Variants in RABGAP1L observed in about 807,000 individuals in gnomAD.
The protein encoded by RABGAP1L is rab GTPase-activating protein 1-like.
RABGAP1L carries 63 observed loss-of-function variants against 137.7 expected under a neutral mutation model. The observed-to-expected ratio is 0.46, with a 90% CI of 0.37 to 0.56. The LOEUF is 0.56. RABGAP1L is among the 20% of genes least tolerant of loss of function. RABGAP1L has a pLI of 0.00. For synonymous variants in RABGAP1L, 431 were observed against 433.7 expected, an observed-to-expected ratio of 0.99 and a Z score of 0.08; for missense variants, 1,095 against 1,244.0, an observed-to-expected ratio of 0.88 and a Z score of 1.80.
intron 13 of RABGAP1L, among the ~76,000 whole-genome samples, chr1:174,600,523 A>G (rs1670328820): frequency 6.6e-6 from 1 of 152,216 alleles, no homozygotes. Context: ...GGGTACAGGT[A>G]TTAGGTAAAT....
At chr1:174,355,737 G>A (rs996149609) in intron 11 of RABGAP1L, among the ~76,000 whole-genome samples, 2 of 152,088 alleles carry the variant, frequency 1.3e-5, no homozygotes, top group South Asian at 2.1e-4. Flanking sequence ...TTAATGATAC[G>A]TTTTTATTAA....
At chr1:174,201,979 A>G (rs1571521659) in intron 1 of RABGAP1L, among the ~76,000 whole-genome samples, 3 of 151,496 alleles carry the variant, frequency 2.0e-5, no homozygotes, top group South Asian at 4.2e-4. Flanking sequence ...AAGGACATGA[A>G]CTCATCATTT....
At chr1:174,203,962 A>T (rs1164033268) in intron 1 of RABGAP1L, among the ~76,000 whole-genome samples, 1 of 145,298 alleles carries the variant, frequency 6.9e-6, no homozygotes, top group Non-Finnish European at 1.5e-5. Flanking sequence ...TTTTTTAAAG[A>T]TAGTGTATCT....
chr1:174,931,580 G>A (rs565616686), intron 19 of RABGAP1L, among the ~76,000 whole-genome samples: 2 of 152,206 alleles, frequency 1.3e-5, no homozygotes, highest in Non-Finnish European at 1.5e-5. Flanking sequence ...TCTCAGCCAC[G>A]TAGTTCTATT....
chr1:174,491,784 G>T (rs970711847), intron 13 of RABGAP1L, among the ~76,000 whole-genome samples: 2 of 152,154 alleles, frequency 1.3e-5, no homozygotes, highest in Non-Finnish European at 2.9e-5. Flanking sequence ...TTCCCATCTG[G>T]CTAGAGCCAG....
In RABGAP1L at chr1:174,733,471, C is replaced by T. The variant is rs143846636; in HGVS notation, c.2170-18842C>T. ...TAACTTGACCAATTTGTATTTATTT[C>T]TCTACCTCTTTCAGGCAAAACTGCT... On this transcript the variant is annotated intron_variant, in intron 17 of 25. Transcript: ENST00000681986. 4.3e-3 allele frequency among the ~76,000 whole-genome samples: 659 copies of T among 152,328 alleles called. 9 individuals are homozygous for T. Among genetic ancestry groups the T allele is most frequent in the Admixed American group, 0.01 (159 of 15,304 alleles).
intron 19 of RABGAP1L, among the ~76,000 whole-genome samples, chr1:174,871,930 G>T (rs976024702): frequency 5.3e-5 from 8 of 152,148 alleles, no homozygotes; most frequent in African/African-American, 1.9e-4. Flanking sequence ...TTTTGGTTAG[G>T]TAAAATTTAA....
At chr1:174,426,456 T>C (rs1029011032) in intron 13 of RABGAP1L, among the ~76,000 whole-genome samples, 9 of 152,010 alleles carry the variant, frequency 5.9e-5, no homozygotes, top group African/African-American at 2.2e-4. Flanking sequence ...AACTTTTCTA[T>C]TACAAATACG....
At chr1:174,565,825 A>G (rs907137020) in intron 13 of RABGAP1L, among the ~76,000 whole-genome samples, 1 of 151,896 alleles carries the variant, frequency 6.6e-6, no homozygotes. Context: ...TTTCTTTACA[A>G]TTCATTCCAA....
At chr1:174,622,920 A>T (rs1296386196) in intron 13 of RABGAP1L, among the ~76,000 whole-genome samples, 2 of 152,216 alleles carry the variant, frequency 1.3e-5, no homozygotes, top group Non-Finnish European at 2.9e-5. Context: ...TGAATTAGCG[A>T]CTGGAATGCA....
intron 19 of RABGAP1L, chr1:174,946,020 G>T (rs1435664237): frequency 6.7e-6 from 1 of 150,058 alleles, no homozygotes; most frequent in Non-Finnish European, 1.5e-5. Context: ...TTGGCTATCT[G>T]TCTCTCTCTC....
intron 19 of RABGAP1L, among the ~76,000 whole-genome samples, chr1:174,943,801 C>T (rs955422928): frequency 2.0e-5 from 3 of 151,974 alleles, no homozygotes; most frequent in African/African-American, 7.3e-5. Flanking sequence ...CCACTGCACT[C>T]CAGCCGGCGC....
intron 13 of RABGAP1L, among the ~76,000 whole-genome samples, chr1:174,611,663 C>G (rs373045592): frequency 2.0e-5 from 3 of 150,986 alleles, no homozygotes; most frequent in African/African-American, 7.3e-5. Context: ...GCCATTTTCA[C>G]GATATTGATT....
intron 13 of RABGAP1L, among the ~76,000 whole-genome samples, chr1:174,576,217 A>T (rs1322188132): frequency 6.6e-6 from 1 of 152,222 alleles, no homozygotes; most frequent in East Asian, 1.9e-4. Flanking sequence ...AGAAGGGAGT[A>T]TGCCTTAACC....
At chr1:174,286,908 T>C (rs967716818) in intron 10 of RABGAP1L, among the ~76,000 whole-genome samples, 1 of 152,162 alleles carries the variant, frequency 6.6e-6, no homozygotes, top group African/African-American at 2.4e-5. Flanking sequence ...ATACATGATA[T>C]GATTTTAATT....
At chr1:174,692,137 A>G (rs1001249143) in intron 15 of RABGAP1L, among the ~76,000 whole-genome samples, 29 of 152,162 alleles carry the variant, frequency 1.9e-4, no homozygotes, top group Non-Finnish European at 4.4e-5. Context: ...AGATTGCCCT[A>G]CTTGTGTGGT....
intron 15 of RABGAP1L, among the ~76,000 whole-genome samples, chr1:174,689,346 A>G (rs576352667): frequency 2.5e-4 from 38 of 151,654 alleles, no homozygotes; most frequent in Non-Finnish European, 5.2e-4. Flanking sequence ...TATATTTATA[A>G]CATATATATA....
intron 13 of RABGAP1L, among the ~76,000 whole-genome samples, chr1:174,458,540 G>T (rs896931933): frequency 2.6e-5 from 4 of 151,938 alleles, no homozygotes; most frequent in Non-Finnish European, 5.9e-5. Context: ...TGATTCCCCT[G>T]TATGATTCCA....
At chr1:174,906,066 G>A (rs578229159) in intron 19 of RABGAP1L, among the ~76,000 whole-genome samples, 13 of 152,166 alleles carry the variant, frequency 8.5e-5, no homozygotes, top group African/African-American at 2.2e-4. Context: ...CACCCAGGTC[G>A]GAGTGCAGTG....
Sources: allele counts gnomAD v4.1 joint callset (sites outside exome capture counted in the v4.1 genomes callset), GRCh38; gene constraint gnomAD v4.1.1; transcripts MANE v1.5; gene names NCBI Gene and HGNC (gene_info 2026-07-23, HGNC 2026-07-21).